TLL2: variants seen among roughly 807,000 people sequenced by gnomAD.
TLL2 encodes tolloid-like protein 2.
Under a neutral mutation model 123.0 loss-of-function variants are expected in TLL2, and 106 were observed. The observed-to-expected ratio is 0.86, with a 90% CI of 0.74 to 1.01. The LOEUF (loss-of-function observed/expected upper bound fraction) is 1.01, where lower values mean the gene tolerates loss of function less well. Ranked by LOEUF, TLL2 falls within the 50% of genes least tolerant of loss-of-function variation. The pLI, the probability that TLL2 is intolerant of heterozygous loss-of-function variation, is 0.00. For synonymous variants in TLL2, 494 were observed against 516.8 expected (o/e 0.96, Z 0.60); for missense variants, 1,332 against 1,336.7 (o/e 1.00, Z 0.06).
intron 2 of TLL2, among the ~76,000 whole-genome samples, chr10:96,455,585 G>C (rs145595099): frequency 6.6e-6 from 1 of 152,316 alleles, no homozygotes; most frequent in East Asian, 1.9e-4. Context: ...GGCCACAAGA[G>C]TGACCTCTGG....
rs184326081 is a variant in TLL2 at position 96,439,686 on chromosome 10, C to T, written c.364+6405G>A. 3.0e-4 allele frequency among the ~76,000 whole-genome samples: 46 copies of T among 152,188 alleles called. 1 individual carries two copies. The highest frequency in any genetic ancestry group is 1.4e-3 in the Admixed American group (22 of 15,284). On this transcript the variant is annotated intron_variant, in intron 3 of 20. Coordinates refer to ENST00000357947, the MANE Select transcript of TLL2 (RefSeq NM_012465.4). ...TTTCAGTGTTCCTCTACTTGTATAA[C>T]GGGTTCCTACTCATCTAGTTGGTCA...
intron 2 of TLL2, among the ~76,000 whole-genome samples, chr10:96,460,308 T>G (rs1455484871): frequency 1.3e-5 from 2 of 152,220 alleles, no homozygotes; most frequent in African/African-American, 4.8e-5. Flanking sequence ...ATGCTATATA[T>G]AGACTGAATG....
chr10:96,505,571 A>C (rs1030342133), intron 1 of TLL2, among the ~76,000 whole-genome samples: 3 of 152,204 alleles, frequency 2.0e-5, no homozygotes, highest in Non-Finnish European at 1.5e-5. Context: ...ATTAGTAACC[A>C]CATTCATAGA....
At chr10:96,381,584 C>T (rs1433528533) in intron 16 of TLL2, among the ~76,000 whole-genome samples, 3 of 152,230 alleles carry the variant, frequency 2.0e-5, no homozygotes, top group Admixed American at 6.5e-5. Flanking sequence ...GCTTAGACCA[C>T]CCCAAATCCT....
At chr10:96,430,989 T>G (rs1359653181) in intron 4 of TLL2, among the ~76,000 whole-genome samples, 1 of 152,244 alleles carries the variant, frequency 6.6e-6, no homozygotes, top group Admixed American at 6.5e-5. Flanking sequence ...TCAAATTGTT[T>G]ATAGCTCAAT....
At chr10:96,373,500 G>A (rs748702055) in intron 19 of TLL2, 96 bp downstream of exon 19, 9 of 1,209,978 alleles carry the variant, frequency 7.4e-6, no homozygotes, top group Non-Finnish European at 1.1e-5. Context: ...CCCTCCCCCA[G>A]TCAGAATAAA....
intron 1 of TLL2, 79 bp from the exon 2 acceptor site, chr10:96,480,538 T>TG (rs892308380): frequency 2.7e-6 from 3 of 1,130,484 alleles, no homozygotes; most frequent in Non-Finnish European, 4.0e-6. Context: ...CAAAGGGCAT[T>TG]GGGTGTTGGG....
intron 2 of TLL2, among the ~76,000 whole-genome samples, chr10:96,476,241 T>TATATATATATATATATATTG: frequency 1.4e-5 from 1 of 72,406 alleles, no homozygotes; most frequent in African/African-American, 5.2e-5. Flanking sequence ...TATATATATA[T>TATATATATATATATATATTG]TTTATTTTTG....
At chr10:96,480,714 T>C (rs1487885586) in intron 1 of TLL2, among the ~76,000 whole-genome samples, 1 of 152,168 alleles carries the variant, frequency 6.6e-6, no homozygotes, top group Non-Finnish European at 1.5e-5. Flanking sequence ...TTTTGAAAGG[T>C]CACCTGTCTT....
Position 96,410,394 on chromosome 10 carries a change from A to C in TLL2, c.1129T>G (p.Cys377Gly), listed in dbSNP as rs1291450941. 1.2e-6 allele frequency: 2 copies of C among 1,613,674 alleles called. No homozygotes were observed. The highest frequency in any genetic ancestry group is 2.7e-5 in the African/African-American group (2 of 74,898). Residue 377 changes from cysteine to glycine, a missense_variant, in exon 9 of 21, where the codon TGC (cysteine) becomes GGC (glycine). Coordinates refer to ENST00000357947, the MANE Select transcript of TLL2 (RefSeq NM_012465.4). ...FPNGYPSYSH[C>G]VWRISVTPGE... ...GGGGTGACCGAGATCCTCCAGACGC[A>C]GTGGGAGTAAGATGGGTACCCATTT...
chr10:96,494,157 G>A (rs922861362), intron 1 of TLL2, among the ~76,000 whole-genome samples: 6 of 152,216 alleles, frequency 3.9e-5, no homozygotes, highest in African/African-American at 1.2e-4. Context: ...AGGAGGGGTT[G>A]GGCCTGGAGG....
At chr10:96,454,675 T>C (rs1211158187) in intron 2 of TLL2, among the ~76,000 whole-genome samples, 3 of 152,182 alleles carry the variant, frequency 2.0e-5, no homozygotes, top group African/African-American at 7.2e-5. Context: ...TTTATTGTTG[T>C]ATATCAAACC....
At chr10:96,419,259 C>G (rs560791965) in intron 7 of TLL2, among the ~76,000 whole-genome samples, 1 of 152,248 alleles carries the variant, frequency 6.6e-6, no homozygotes, top group East Asian at 1.9e-4. Flanking sequence ...CAACCCCTCA[C>G]CCATCTGCAT....
At chr10:96,389,732 G>A (rs963051365) in intron 13 of TLL2, among the ~76,000 whole-genome samples, 2 of 152,226 alleles carry the variant, frequency 1.3e-5, no homozygotes, top group African/African-American at 4.8e-5. Flanking sequence ...GTGCACAGAG[G>A]AGCAAGTCTC....
intron 13 of TLL2, 95 bp downstream of exon 13, chr10:96,395,092 G>A (rs554958491): frequency 7.6e-7 from 1 of 1,309,884 alleles, no homozygotes; most frequent in East Asian, 2.4e-5. Flanking sequence ...AGCCTTGTTT[G>A]GTGGTAAGCT....
At chr10:96,383,139 C>G (rs780511555) in intron 16 of TLL2, among the ~76,000 whole-genome samples, 1 of 152,136 alleles carries the variant, frequency 6.6e-6, no homozygotes, top group African/African-American at 2.4e-5. Flanking sequence ...GCTGGCAGAA[C>G]AGGTGGGCCA....
chr10:96,395,242 C>A lies in TLL2; in HGVS notation c.1671G>T (p.Lys557Asn). The change falls in exon 13 of 21, where the codon AAG becomes AAT. Residue 557 changes from lysine to asparagine, a missense_variant. Coordinates refer to ENST00000357947, the MANE Select transcript of TLL2 (RefSeq NM_012465.4). Reference sequence around the variant, plus strand: ...TATTGATAGAGCCATCGGACACAAACTTCATCCACAGTCTGTTGGAGCTCG... The same window carrying A: ...TATTGATAGAGCCATCGGACACAAAATTCATCCACAGTCTGTTGGAGCTCG... The part of the protein sequence containing the change: ...VKSSSNRLWM[K>N]FVSDGSINKA... 1 of 1,613,616 alleles carries A rather than the reference C, an allele frequency of 6.2e-7. No homozygotes were observed. The highest frequency in any genetic ancestry group is 1.1e-5 in the South Asian group (1 of 90,932).
intron 10 of TLL2, among the ~76,000 whole-genome samples, chr10:96,398,868 C>CTTTTTTT (rs3033618): frequency 4.6e-5 from 5 of 107,742 alleles, no homozygotes; most frequent in Non-Finnish European, 9.0e-5. Flanking sequence ...TGAAAATATT[C>CTTTTTTT]TTTTTTTTTT....
At chr10:96,405,965 G>T (rs1033529874) in intron 9 of TLL2, among the ~76,000 whole-genome samples, 7 of 152,204 alleles carry the variant, frequency 4.6e-5, no homozygotes, top group African/African-American at 1.7e-4. Flanking sequence ...GAGAAGGGGG[G>T]AAAGGCAGAT....
Sources: allele counts gnomAD v4.1 joint callset (sites outside exome capture counted in the v4.1 genomes callset), GRCh38; gene constraint gnomAD v4.1.1; transcripts MANE v1.5; gene names NCBI Gene and HGNC (gene_info 2026-07-23, HGNC 2026-07-21).